Variants in BAIAP3 observed in about 807,000 individuals in gnomAD.
BAIAP3 encodes the protein BAI1 associated protein 3.
BAIAP3 carries 180 observed loss-of-function variants against 149.7 expected under a neutral mutation model. That is an observed-to-expected ratio of 1.20 (90% CI 1.07 to 1.36). The LOEUF is 1.36. Among genes scored for constraint, BAIAP3 ranks in the 40% most tolerant of loss-of-function variants. The pLI is 0.00. For synonymous variants in BAIAP3, 845 were observed against 670.7 expected (o/e 1.26, Z -4.02); for missense variants, 1,767 against 1,563.4 (o/e 1.13, Z -2.20).
chr16:1,342,902 T>A lies in BAIAP3; in HGVS notation c.1162-11T>A, dbSNP rs758046795. The A allele has an allele frequency of 3.7e-6, 6 of 1,611,984 alleles. No individual in the cohort carries two copies. The highest frequency in any genetic ancestry group is 1.3e-5 in the African/African-American group (1 of 74,910). ...GTCCCGCCTCCACCCACGACAGACCTCCTCCCCCAGCCCAACTCCAGCAGC... is the reference window on the plus strand; with the variant it reads ...GTCCCGCCTCCACCCACGACAGACCACCTCCCCCAGCCCAACTCCAGCAGC... On this transcript the variant is annotated splice_polypyrimidine_tract_variant and intron_variant, in intron 13 of 33. Transcript: ENST00000426824.
rs148596071 is a variant in BAIAP3, at chr16:1,342,211, C to T, written c.885C>T (p.Arg295=). 5.2e-5 allele frequency: 84 copies of T among 1,609,582 alleles called. No individual in the cohort carries two copies. Among genetic ancestry groups the T allele is most frequent in the Admixed American group, 4.5e-4 (27 of 59,810 alleles). ...RYFKQIVKSA[R]ANGTAGPTED... The stretch of plus-strand genomic sequence containing the variant: ...TCAAACAGATCGTCAAGTCAGCCCG[C>T]GCAAACGGGACAGCAGGACCCACCG... Residue 295 remains arginine, a synonymous_variant, in exon 11 of 34, where the codon CGC becomes CGT. Transcript: ENST00000426824.
intron 5 of BAIAP3, among the ~76,000 whole-genome samples, chr16:1,340,532 G>GCA (rs1211423958): frequency 3.7e-5 from 4 of 108,938 alleles, no homozygotes; most frequent in Admixed American, 1.8e-4. Flanking sequence ...ACACAGACAC[G>GCA]CACACACACA....
At position 1,339,159 on chromosome 16, in the gene BAIAP3, C is replaced by T. The variant is rs557866395; in HGVS notation, c.220-5C>T. The stretch of plus-strand genomic sequence containing the variant: ...CAGAGCCCTCACCCTGGGCCCCACA[C>T]ACAGGTCCCCCTGCGCAGTGGCTCG... On this transcript the variant is annotated splice_region_variant and splice_polypyrimidine_tract_variant and intron_variant, in intron 3 of 33. Transcript: ENST00000426824. The T allele has an allele frequency of 3.2e-6, 5 of 1,566,686 alleles. No individual in the cohort carries two copies. The South Asian group carries it at 5.8e-5, about 18-fold the overall frequency.
chr16:1,343,876 C>T (rs913891162), intron 15 of BAIAP3, 146 bp from the exon 16 acceptor site: 4 of 1,295,478 alleles, frequency 3.1e-6, no homozygotes, highest in Non-Finnish European at 3.2e-6. Flanking sequence ...TGGGACAGGC[C>T]GACTGGGCCT....
rs925320892 is a variant in BAIAP3, at chr16:1,347,554, G to A, written c.2833G>A (p.Glu945Lys). 2.5e-6 allele frequency: 4 copies of A among 1,608,976 alleles called. No individual in the cohort carries two copies. The African/African-American group carries it at 4.0e-5, about 16-fold the overall frequency. Reference sequence around the variant, plus strand: ...GCGCTTCCCCCTGCAGAGGCTGAAGGAGGAGCTGCGGCTGCACAAATGTTC... The same window carrying A: ...GCGCTTCCCCCTGCAGAGGCTGAAGAAGGAGCTGCGGCTGCACAAATGTTC... ...LRDGSYKRLK[E>K]ELRLHKCSTR... Residue 945 changes from glutamate (E) to lysine (K), a missense_variant, in exon 30 of 34, where the codon GAG becomes AAG. Physicochemically the swap from Glu to Lys is moderately conservative, Grantham distance 56. Coordinates refer to ENST00000426824, the MANE Select transcript of BAIAP3 (RefSeq NM_001199097.2).
intron 15 of BAIAP3, 145 bp from the exon 16 acceptor site, chr16:1,343,870 ACAGGCCG>A: frequency 8.2e-7 from 1 of 1,224,342 alleles, no homozygotes; most frequent in African/African-American, 1.7e-5. Flanking sequence ...GCCGTCTGGG[ACAGGCCG>A]ACTGGGCCTG....
chr16:1,347,781 G>C lies in BAIAP3; in HGVS notation c.2985G>C (p.Glu995Asp). ...CGGCTGAGCAGCGGCTGGCCGTGGA[G>C]GTGCTGCACGCCGCGGACCTGCTCC... ...YEAAEQRLAVEVLHAADLLPL... is the reference protein window; with the variant it reads ...YEAAEQRLAVDVLHAADLLPL... The change falls in exon 31 of 34, where the codon GAG (glutamate) becomes GAC (aspartate). Residue 995 changes from glutamate to aspartate, a missense_variant. Transcript: ENST00000426824. The C allele has an allele frequency of 6.2e-7, 1 of 1,608,844 alleles. No individual in the cohort carries two copies. Among genetic ancestry groups the C allele is most frequent in the Non-Finnish European group, 8.5e-7 (1 of 1,177,062 alleles).
chr16:1,343,911 G>T (rs1361586695), intron 15 of BAIAP3, 111 bp from the exon 16 acceptor site: 23 of 1,524,120 alleles, frequency 1.5e-5, no homozygotes, highest in Non-Finnish European at 1.9e-5. Flanking sequence ...TCAGAGCAGA[G>T]CTGGGCTGAC....
In BAIAP3 at chr16:1,342,230, C is replaced by G; in HGVS notation, c.904C>G (p.Pro302Ala). 6.2e-7 allele frequency: 1 copy of G among 1,607,868 alleles called. No individual in the cohort carries two copies. Among genetic ancestry groups the G allele is most frequent in the Non-Finnish European group, 8.5e-7 (1 of 1,177,628 alleles). Residue 302 changes from proline to alanine, a missense_variant, in exon 11 of 34, where the codon CCC (proline) becomes GCC (alanine). Coordinates refer to ENST00000426824, the MANE Select transcript of BAIAP3 (RefSeq NM_001199097.2). ...KSARANGTAG[P>A]TEDHTDDFLG... ...AGCCCGCGCAAACGGGACAGCAGGA[C>G]CCACCGAGGACCACACCGATGACTT...
chr16:1,342,717 A>G lies in BAIAP3; in HGVS notation c.1066-2A>G, dbSNP rs1948972625. ...GGTGACTGGGTGGGCTCTGCGTTGC[A>G]GAGGGATACGGCCATGAGCCAGCGC... On this transcript the variant is annotated splice_acceptor_variant, in intron 12 of 33. Coordinates refer to ENST00000426824, the MANE Select transcript of BAIAP3 (RefSeq NM_001199097.2). LOFTEE classifies it high-confidence loss of function. The G allele has an allele frequency of 1.2e-6, 2 of 1,612,350 alleles. No homozygotes were observed. Among genetic ancestry groups the G allele is most frequent in the East Asian group, 4.5e-5 (2 of 44,870 alleles).
At chr16:1,344,381 G>A (rs558887685) in intron 17 of BAIAP3, 64 bp downstream of exon 17, 14 of 1,609,536 alleles carry the variant, frequency 8.7e-6, no homozygotes, top group South Asian at 4.4e-5. Flanking sequence ...CTGCCTTCCC[G>A]TCCCCTGCAC....
Position 1,347,841 on chromosome 16 carries a change from G to A in BAIAP3, c.3025+20G>A. On this transcript the variant is annotated intron_variant, in intron 31 of 33. Transcript: ENST00000426824. ...CCAACGGTGAGTTGCAGCGGGGACGGGTCGGGTGGTGGTGGGATGGGGGCA... is the reference window on the plus strand; with the variant it reads ...CCAACGGTGAGTTGCAGCGGGGACGAGTCGGGTGGTGGTGGGATGGGGGCA... 6.2e-7 allele frequency: 1 copy of A among 1,604,968 alleles called. No individual in the cohort carries two copies. Among genetic ancestry groups the A allele is most frequent in the African/African-American group, 1.3e-5 (1 of 74,952 alleles).
Position 1,343,387 on chromosome 16 carries a change from C to T in BAIAP3, c.1266-6C>T, listed in dbSNP as rs1276008224. On this transcript the variant is annotated splice_region_variant and splice_polypyrimidine_tract_variant and intron_variant, in intron 14 of 33. Coordinates refer to ENST00000426824, the MANE Select transcript of BAIAP3 (RefSeq NM_001199097.2). Reference sequence around the variant, plus strand: ...ATACCCTTTGACCATGGGCCGGGCCCCACAGGCACTGGCAGGTCAGCAGCC... The same window carrying T: ...ATACCCTTTGACCATGGGCCGGGCCTCACAGGCACTGGCAGGTCAGCAGCC... 36 of 1,580,480 alleles carry T rather than the reference C, an allele frequency of 2.3e-5. No individual in the cohort carries two copies. Among genetic ancestry groups the T allele is most frequent in the South Asian group, 8.0e-5 (7 of 87,214 alleles).
intron 27 of BAIAP3, 70 bp from the exon 28 acceptor site, chr16:1,346,777 C>T (rs1339272513): frequency 2.0e-6 from 3 of 1,531,098 alleles, no homozygotes; most frequent in Admixed American, 2.0e-5. Flanking sequence ...GCTACTCCTC[C>T]AGGCCATTCT....
Position 1,341,174 on chromosome 16 carries a change from C to G in BAIAP3, c.514C>G (p.Leu172Val). The change falls in exon 7 of 34, where the codon CTT becomes GTT. Residue 172 changes from leucine (L) to valine (V), a missense_variant. Transcript: ENST00000426824. The stretch of plus-strand genomic sequence containing the variant: ...AGTCTCTGTCATGCGTGCCAAGAAC[C>G]TTCTGGCCAAGGACCCCAACGGTGA... ...LKVSVMRAKN[L>V]LAKDPNGFSD... is the part of the protein sequence containing the mutation. The G allele has an allele frequency of 6.2e-7, 1 of 1,612,770 alleles. No homozygotes were observed. The highest frequency in any genetic ancestry group is 8.5e-7 in the Non-Finnish European group (1 of 1,179,862).
chr16:1,343,618 G>A, intron 15 of BAIAP3, 105 bp downstream of exon 15: 1 of 1,480,964 alleles, frequency 6.8e-7, no homozygotes, highest in Non-Finnish European at 9.1e-7. Flanking sequence ...CCGCGTGGGG[G>A]TCAAAGACAA....
At chr16:1,340,876 G>C in intron 5 of BAIAP3, 46 bp from the exon 6 acceptor site, 1 of 1,546,432 alleles carries the variant, frequency 6.5e-7, no homozygotes. Context: ...GGCCAGCCTC[G>C]CTTCAGGGGT....
intron 8 of BAIAP3, 148 bp downstream of exon 8, chr16:1,341,637 G>A (rs2033934636): frequency 8.0e-7 from 1 of 1,257,140 alleles, no homozygotes; most frequent in Non-Finnish European, 1.1e-6. Flanking sequence ...GAGGCCCAGA[G>A]ATGGGCGTTG....
At chr16:1,347,153 C>T (rs1189831173) in intron 28 of BAIAP3, 145 bp from the exon 29 acceptor site, 41 of 962,210 alleles carry the variant, frequency 4.3e-5, no homozygotes, top group Non-Finnish European at 5.8e-5. Context: ...TGGGAGCTTC[C>T]GATGCCCGCC....
Sources: gnomAD v4.1 joint callset for allele counts (sites outside exome capture counted in the v4.1 genomes callset) on GRCh38, gnomAD v4.1.1 for gene constraint, MANE v1.5 for transcripts, NCBI Gene and HGNC (gene_info 2026-07-23, HGNC 2026-07-21) for gene names.